AAMDC: variants seen among roughly 807,000 people sequenced by gnomAD.
AAMDC encodes mth938 domain-containing protein.
A neutral mutation model predicts 15.5 loss-of-function variants in AAMDC; 16 were observed. The ratio of observed to expected loss-of-function variants is 1.03; its 90% confidence interval spans 0.70 to 1.57. The LOEUF is 1.57. Ranked by LOEUF, AAMDC falls within the 40% of genes most tolerant of loss-of-function variation. AAMDC has a pLI of 0.00. For missense variants in AAMDC, 141 were observed against 144.9 expected (o/e 0.97, Z 0.14); for synonymous variants, 51 against 51.6 (o/e 0.99, Z 0.05).
chr11:77,889,010 A>G (rs1459716143), intron 5 of AAMDC, among the ~76,000 whole-genome samples: 3 of 152,228 alleles, frequency 2.0e-5, no homozygotes, highest in African/African-American at 7.2e-5. Context: ...TGTGGATGTC[A>G]GTGTGGCAAT....
At chr11:77,899,010 ACT>A (rs1289193807) in intron 5 of AAMDC, among the ~76,000 whole-genome samples, 3 of 151,516 alleles carry the variant, frequency 2.0e-5, no homozygotes, top group African/African-American at 7.3e-5. Context: ...ATAGAGCAAG[ACT>A]CTGTCTCATA....
chr11:77,899,287 G>T (rs1252626704), intron 5 of AAMDC, among the ~76,000 whole-genome samples: 2 of 149,080 alleles, frequency 1.3e-5, no homozygotes, highest in Non-Finnish European at 3.0e-5. Flanking sequence ...TAGAATTAGG[G>T]TGCATAACTT....
chr11:77,876,206 T>C (rs1318177354), downstream of AAMDC, among the ~76,000 whole-genome samples: 1 of 152,150 alleles, frequency 6.6e-6, no homozygotes, highest in East Asian at 1.9e-4. Flanking sequence ...TGGCTCTGAC[T>C]GCTGGGTGCA....
At chr11:77,843,645 T>G (rs1590940932) in intron 2 of AAMDC, among the ~76,000 whole-genome samples, 1 of 152,312 alleles carries the variant, frequency 6.6e-6, no homozygotes, top group East Asian at 1.9e-4. Context: ...AAAATTGTCA[T>G]AGACTGAGTG....
chr11:77,889,385 G>A lies in AAMDC; in HGVS notation c.329-11186G>A, dbSNP rs560808365. On this transcript the variant is annotated intron_variant, in intron 5 of 5. Coordinates refer to the AAMDC transcript ENST00000304716. Reference sequence around the variant, plus strand: ...CACAGGAAGGGGAACATCACACCCCGGGGACTGTTGTGGGGTAGGGGGAGG... The same window carrying A: ...CACAGGAAGGGGAACATCACACCCCAGGGACTGTTGTGGGGTAGGGGGAGG... Among the ~76,000 whole-genome samples the A allele has an allele frequency of 2.5e-4, 37 of 149,726 alleles. 1 individual carries two copies. Among genetic ancestry groups the A allele is most frequent in the South Asian group, 1.5e-3 (7 of 4,566 alleles).
At chr11:77,868,987 TG>T in intron 2 of AAMDC, 1 of 303,030 alleles carries the variant, frequency 3.3e-6, no homozygotes, top group Non-Finnish European at 6.3e-6. Context: ...AACAGCACGT[TG>T]GGTAATACCG....
chr11:77,823,640 AAAG>A (rs1443548129), intron 1 of AAMDC, among the ~76,000 whole-genome samples: 1 of 151,566 alleles, frequency 6.6e-6, no homozygotes, highest in Admixed American at 6.6e-5. Flanking sequence ...AAAAAAAAAA[AAAG>A]AATAATTTGA....
chr11:77,879,886 A>G (rs1951726579), intron 5 of AAMDC, among the ~76,000 whole-genome samples: 4 of 152,162 alleles, frequency 2.6e-5, no homozygotes, highest in Non-Finnish European at 5.9e-5. Flanking sequence ...AGTTAACCCC[A>G]AGAGTTCTTA....
intron 3 of AAMDC, chr11:77,870,181 T>G (rs1040571523): frequency 6.6e-6 from 1 of 151,820 alleles, no homozygotes; most frequent in African/African-American, 2.4e-5. Flanking sequence ...AAAATTTAAT[T>G]TAATTTTTTT....
chr11:77,884,440 C>T (rs1951913413), intron 5 of AAMDC, among the ~76,000 whole-genome samples: 2 of 152,186 alleles, frequency 1.3e-5, no homozygotes, highest in African/African-American at 4.8e-5. Context: ...AAATCACTGG[C>T]CAGTTCTTTA....
chr11:77,901,919 T>A (rs1952789936), downstream of AAMDC, among the ~76,000 whole-genome samples: 1 of 151,858 alleles, frequency 6.6e-6, no homozygotes, highest in South Asian at 2.1e-4. Flanking sequence ...CCCCACAAAG[T>A]CCTCAAGAAT....
At chr11:77,889,834 G>A (rs1376398169) in intron 5 of AAMDC, among the ~76,000 whole-genome samples, 1 of 152,182 alleles carries the variant, frequency 6.6e-6, no homozygotes, top group East Asian at 1.9e-4. Context: ...AGCCTTGCGT[G>A]TGGTAGAGGT....
intron 5 of AAMDC, among the ~76,000 whole-genome samples, chr11:77,883,222 T>C (rs1951862093): frequency 1.3e-5 from 2 of 152,112 alleles, no homozygotes; most frequent in Admixed American, 6.6e-5. Context: ...TCCTGAACCA[T>C]CTCCAATTAT....
intron 5 of AAMDC, among the ~76,000 whole-genome samples, chr11:77,894,620 C>T (rs1013114900): frequency 5.3e-5 from 8 of 152,192 alleles, no homozygotes; most frequent in Non-Finnish European, 1.0e-4. Flanking sequence ...AGACTCACTA[C>T]GAATACAGGA....
chr11:77,842,403 C>T, intron 1 of AAMDC, 76 bp from the exon 2 acceptor site: 3 of 1,345,730 alleles, frequency 2.2e-6, no homozygotes, highest in Non-Finnish European at 3.1e-6. Context: ...AGAATCAGGG[C>T]TTAGTATCAC....
intron 3 of AAMDC, 67 bp from the exon 4 acceptor site, chr11:77,872,108 C>T: frequency 6.6e-7 from 1 of 1,521,844 alleles, no homozygotes; most frequent in Non-Finnish European, 8.9e-7. Flanking sequence ...ACACCTGCCT[C>T]ATGGCAGTAA....
At chr11:77,893,005 CAG>C (rs907743510) in intron 5 of AAMDC, among the ~76,000 whole-genome samples, 8 of 152,188 alleles carry the variant, frequency 5.3e-5, no homozygotes, top group African/African-American at 1.9e-4. Flanking sequence ...GTGACAAGTA[CAG>C]AGTCATAAAA....
intron 1 of AAMDC, among the ~76,000 whole-genome samples, chr11:77,832,288 G>A (rs1002908938): frequency 7.3e-5 from 11 of 151,406 alleles, no homozygotes; most frequent in Non-Finnish European, 1.3e-4. Flanking sequence ...TATTCTTTGA[G>A]TTTATAAGTT....
At chr11:77,901,575 A>G (rs1464814299), downstream of AAMDC, 3 of 1,543,968 alleles carry the variant, frequency 1.9e-6, no homozygotes, top group Non-Finnish European at 2.7e-6. Context: ...ATAATTAACA[A>G]TCAATAAAAA....
Sources: gnomAD v4.1 joint callset for allele counts (sites outside exome capture counted in the v4.1 genomes callset) on GRCh38, gnomAD v4.1.1 for gene constraint, MANE v1.5 for transcripts, NCBI Gene and HGNC (gene_info 2026-07-23, HGNC 2026-07-21) for gene names.